WDR93: variants seen among roughly 807,000 people sequenced by gnomAD.
The protein encoded by WDR93 is WD repeat-containing protein 93.
In WDR93, 73 loss-of-function variants were observed where a neutral mutation model predicts 82.9. That is an observed-to-expected ratio of 0.88 (90% CI 0.73 to 1.07). The LOEUF (loss-of-function observed/expected upper bound fraction) is 1.07, where lower values mean the gene tolerates loss of function less well. Ranked by LOEUF, WDR93 falls within the 50% of genes least tolerant of loss-of-function variation. The pLI is 0.00. For missense variants in WDR93, 738 were observed against 826.0 expected (o/e 0.89, Z 1.31); for synonymous variants, 283 against 300.1 (o/e 0.94, Z 0.59).
upstream of WDR93, chr15:89,690,806 G>T (rs551040350): frequency 9.4e-5 from 53 of 562,550 alleles, 2 homozygotes; most frequent in South Asian, 1.1e-3. Context: ...GCGGACTTCC[G>T]GTTCAAGCCG....
chr15:89,713,302 T>C (rs538712590), intron 5 of WDR93, among the ~76,000 whole-genome samples: 1 of 152,188 alleles, frequency 6.6e-6, no homozygotes, highest in African/African-American at 2.4e-5. Context: ...GCACTCATCA[T>C]TGGATCTTGC....
At chr15:89,708,214 A>G (rs766640342) in intron 4 of WDR93, among the ~76,000 whole-genome samples, 4 of 152,204 alleles carry the variant, frequency 2.6e-5, no homozygotes, top group Admixed American at 6.5e-5. Flanking sequence ...AGGTACACAT[A>G]TGTCAAAACT....
chr15:89,712,098 C>T lies in WDR93; in HGVS notation c.634C>T (p.Leu212=). ...AGGAGGGGACTTTGCAGCCTTCCTC[C>T]TACAAGGCAAGATTAACCAAAGACT... The part of the protein sequence containing the change: ...SQGGDFAAFL[L]QGAGDIWLDV... Residue 212 remains leucine (L), a synonymous_variant, in exon 5 of 17, where the codon CTA becomes TTA. Coordinates refer to ENST00000268130, the MANE Select transcript of WDR93 (RefSeq NM_020212.2). 6.2e-7 allele frequency: 1 copy of T among 1,611,824 alleles called. No individual in the cohort carries two copies. Among genetic ancestry groups the T allele is most frequent in the Non-Finnish European group, 8.5e-7 (1 of 1,178,780 alleles).
chr15:89,692,343 G>C (rs1964934045), intron 1 of WDR93, among the ~76,000 whole-genome samples: 1 of 152,110 alleles, frequency 6.6e-6, no homozygotes, highest in Admixed American at 6.5e-5. Context: ...ATATCTCCTT[G>C]GCCCCATGGG....
intron 4 of WDR93, among the ~76,000 whole-genome samples, chr15:89,706,766 T>C (rs1275255515): frequency 6.6e-6 from 1 of 152,136 alleles, no homozygotes; most frequent in Non-Finnish European, 1.5e-5. Flanking sequence ...ATATTAATAT[T>C]GGACTTCATT....
At chr15:89,698,834 G>A (rs761157933) in intron 1 of WDR93, among the ~76,000 whole-genome samples, 3 of 151,930 alleles carry the variant, frequency 2.0e-5, no homozygotes, top group Non-Finnish European at 4.4e-5. Flanking sequence ...AATGCATCCA[G>A]TGTTTTTCAC....
chr15:89,700,166 G>A (rs1052456933), intron 1 of WDR93, among the ~76,000 whole-genome samples: 3 of 152,130 alleles, frequency 2.0e-5, no homozygotes, highest in Admixed American at 6.6e-5. Context: ...TTTTTCCCAC[G>A]ACCGAGGCAA....
intron 3 of WDR93, chr15:89,704,686 GC>G (rs1965647320): frequency 6.6e-6 from 1 of 152,148 alleles, no homozygotes; most frequent in African/African-American, 2.4e-5. Flanking sequence ...TTGAACATGT[GC>G]AGACTTGAGG....
At chr15:89,731,622 G>T in intron 12 of WDR93, 60 bp downstream of exon 12, 1 of 1,606,746 alleles carries the variant, frequency 6.2e-7, no homozygotes, top group South Asian at 1.1e-5. Flanking sequence ...ATGAGTCTGG[G>T]AGCTCTGGAA....
At chr15:89,700,978 G>C (rs565719758) in intron 1 of WDR93, among the ~76,000 whole-genome samples, 1 of 94,582 alleles carries the variant, frequency 1.1e-5, no homozygotes, top group Non-Finnish European at 2.2e-5. Context: ...ATATGTGTGT[G>C]TACACACACA....
intron 8 of WDR93, among the ~76,000 whole-genome samples, chr15:89,723,703 A>C (rs1966618257): frequency 2.0e-5 from 3 of 152,212 alleles, no homozygotes; most frequent in Non-Finnish European, 1.5e-5. Flanking sequence ...CCCAGGCATA[A>C]ATGGACACTT....
intron 14 of WDR93, 136 bp from the exon 15 acceptor site, chr15:89,737,437 G>A (rs1967291566): frequency 2.6e-6 from 3 of 1,176,344 alleles, no homozygotes; most frequent in African/African-American, 3.1e-5. Context: ...AGCCCTGGAT[G>A]GATCCAGAGG....
intron 6 of WDR93, among the ~76,000 whole-genome samples, chr15:89,716,667 A>C (rs962439437): frequency 6.6e-6 from 1 of 152,206 alleles, no homozygotes; most frequent in Non-Finnish European, 1.5e-5. Flanking sequence ...CTATTCATTC[A>C]GATTTCCTCT....
At chr15:89,701,303 G>A (rs1306182810) in intron 1 of WDR93, among the ~76,000 whole-genome samples, 1 of 152,124 alleles carries the variant, frequency 6.6e-6, no homozygotes, top group Non-Finnish European at 1.5e-5. Flanking sequence ...GGGGGGTAAA[G>A]GAAAGAAAGG....
At chr15:89,707,771 C>G (rs1965788719) in intron 4 of WDR93, among the ~76,000 whole-genome samples, 1 of 152,188 alleles carries the variant, frequency 6.6e-6, no homozygotes, top group Non-Finnish European at 1.5e-5. Flanking sequence ...ACCATGTGAT[C>G]CAGCCATTCC....
In WDR93 at chr15:89,697,298, A is replaced by G. The variant is rs191734774; in HGVS notation, c.-40-4409A>G. ...TTAGCCATTCTAATATGTATGTAAA[A>G]TATTTTAAACATATATTTACCATAT... On this transcript the variant is annotated intron_variant, in intron 1 of 16. Coordinates refer to ENST00000268130, the MANE Select transcript of WDR93 (RefSeq NM_020212.2). Among the ~76,000 whole-genome samples the G allele has an allele frequency of 3.9e-5, 6 of 152,264 alleles. No homozygotes were observed. In the East Asian group the frequency reaches 1.2e-3, roughly 29 times the overall value.
intron 1 of WDR93, among the ~76,000 whole-genome samples, chr15:89,694,430 T>C (rs976521154): frequency 2.0e-5 from 3 of 151,866 alleles, no homozygotes; most frequent in Non-Finnish European, 2.9e-5. Flanking sequence ...AGACATGGGG[T>C]TTCACCATGT....
chr15:89,710,229 T>G (rs1413498300), intron 4 of WDR93, among the ~76,000 whole-genome samples: 1 of 152,070 alleles, frequency 6.6e-6, no homozygotes, highest in Middle Eastern at 3.2e-3. Flanking sequence ...GTAGACTAAG[T>G]CAATGGAACA....
intron 3 of WDR93, chr15:89,704,628 G>C (rs1477636869): frequency 1.3e-5 from 2 of 152,156 alleles, no homozygotes; most frequent in Non-Finnish European, 2.9e-5. Context: ...CTTGATAACA[G>C]TTATGGGAAA....
Sources: gnomAD v4.1 joint callset for allele counts (sites outside exome capture counted in the v4.1 genomes callset) on GRCh38, gnomAD v4.1.1 for gene constraint, MANE v1.5 for transcripts, NCBI Gene and HGNC (gene_info 2026-07-23, HGNC 2026-07-21) for gene names.